The following TTC7B variants were observed in gnomAD, a reference collection of about 807,000 sequenced individuals.
TTC7B encodes tetratricopeptide repeat domain 7B, also known as tetratricopeptide repeat protein 7B.
Under a neutral mutation model 106.8 loss-of-function variants are expected in TTC7B, and 28 were observed. That is an observed-to-expected ratio of 0.26 (90% CI 0.19 to 0.36). TTC7B has a LOEUF of 0.36. Among genes scored for constraint, TTC7B ranks in the 10% least tolerant of loss-of-function variants. The probability of loss-of-function intolerance (pLI) is 1.00; values close to 1 mark genes in which losing one functional copy is unlikely to be tolerated. For synonymous variants in TTC7B, 405 were observed against 430.6 expected, an observed-to-expected ratio of 0.94 and a Z score of 0.74; for missense variants, 862 against 1,076.4, an observed-to-expected ratio of 0.80 and a Z score of 2.79.
At chr14:90,610,558 G>A (rs564051037) in intron 17 of TTC7B, among the ~76,000 whole-genome samples, 184 bp downstream of exon 17, 5 of 152,250 alleles carry the variant, frequency 3.3e-5, no homozygotes, top group South Asian at 2.1e-4. Flanking sequence ...TCATATGACC[G>A]TCCCCACTGT....
chr14:90,552,214 G>T (rs1042850144), intron 19 of TTC7B, among the ~76,000 whole-genome samples: 1 of 152,206 alleles, frequency 6.6e-6, no homozygotes, highest in Non-Finnish European at 1.5e-5. Flanking sequence ...CGTGGGGTGG[G>T]ACTCACACGC....
chr14:90,595,194 G>T (rs1380877400), intron 17 of TTC7B, among the ~76,000 whole-genome samples: 1 of 152,098 alleles, frequency 6.6e-6, no homozygotes, highest in Non-Finnish European at 1.5e-5. Flanking sequence ...TTAGCCAGGC[G>T]CGGTGGCAGG....
At chr14:90,584,985 G>A (rs1303154480) in intron 18 of TTC7B, among the ~76,000 whole-genome samples, 2 of 152,116 alleles carry the variant, frequency 1.3e-5, no homozygotes, top group African/African-American at 2.4e-5. Flanking sequence ...CAGCTCTGTC[G>A]GCTCTCACTG....
chr14:90,646,910 T>C, intron 14 of TTC7B, 41 bp downstream of exon 14: 2 of 1,544,046 alleles, frequency 1.3e-6, no homozygotes, highest in African/African-American at 1.4e-5. Context: ...TGTATCAAGA[T>C]ACAGAGTGCA....
chr14:90,730,705 G>A, intron 4 of TTC7B, among the ~76,000 whole-genome samples: 1 of 152,210 alleles, frequency 6.6e-6, no homozygotes, highest in Non-Finnish European at 1.5e-5. Flanking sequence ...GACTCACCAG[G>A]CTCCAGAGCT....
chr14:90,644,196 G>C lies in TTC7B; in HGVS notation c.1603C>G (p.Leu535Val). 6.3e-7 allele frequency: 1 copy of C among 1,592,914 alleles called. No homozygotes were observed. Among genetic ancestry groups the C allele is most frequent in the South Asian group, 1.1e-5 (1 of 88,174 alleles). The change falls in exon 15 of 20, where the codon CTG (leucine) becomes GTG (valine). Residue 535 changes from leucine (L) to valine (V), a missense_variant. By Grantham distance (32) the Leu-to-Val change is conservative. Transcript: ENST00000328459. ...LAISRQIPEA[L>V]GYVRQALQLQ... ...TGAAGAGCTTGGCGGACATACCCCA[G>C]AGCCTCTGGGATCTGGTTTAAAACA... is the stretch of plus-strand genomic sequence containing the variant.
chr14:90,775,801 G>A (rs1344273828), intron 3 of TTC7B, among the ~76,000 whole-genome samples: 2 of 152,050 alleles, frequency 1.3e-5, no homozygotes, highest in Non-Finnish European at 2.9e-5. Flanking sequence ...TGACCGTGCT[G>A]GCCCCATTTG....
intron 3 of TTC7B, among the ~76,000 whole-genome samples, chr14:90,773,298 A>G (rs1456808408): frequency 6.6e-6 from 1 of 152,240 alleles, no homozygotes; most frequent in Non-Finnish European, 1.5e-5. Context: ...TAAATCACTC[A>G]CAAATCACAG....
intron 3 of TTC7B, among the ~76,000 whole-genome samples, chr14:90,758,296 G>C (rs939478939): frequency 6.7e-6 from 1 of 149,626 alleles, no homozygotes; most frequent in Non-Finnish European, 1.5e-5. Flanking sequence ...CGGCACCTGC[G>C]CGAGATGCAG....
chr14:90,736,933 C>G lies in TTC7B; in HGVS notation c.577-6737G>C, dbSNP rs189257805. Among the ~76,000 whole-genome samples the G allele has an allele frequency of 2.3e-3, 322 of 141,140 alleles. 5 individuals carry two copies. Among genetic ancestry groups the G allele is most frequent in the African/African-American group, 8.2e-3 (313 of 38,004 alleles). The allele number at this position is 141,140 out of a possible 152,430, so 92.6% of individuals were successfully genotyped here. A position where few individuals can be genotyped will look rare whatever the true frequency, so the allele number is the denominator to read the frequency against. On this transcript the variant is annotated intron_variant, in intron 4 of 19. Coordinates refer to ENST00000328459, the MANE Select transcript of TTC7B (RefSeq NM_001010854.2). The stretch of plus-strand genomic sequence containing the variant: ...AAAAAAAAGTATATATACGTATATA[C>G]ACACATACATATATATGGAAAATGG...
chr14:90,765,048 G>A (rs1163116430), intron 3 of TTC7B, among the ~76,000 whole-genome samples: 1 of 152,148 alleles, frequency 6.6e-6, no homozygotes, highest in African/African-American at 2.4e-5. Context: ...TCAAATAATA[G>A]AAATAACCTG....
At position 90,735,061 on chromosome 14, in the gene TTC7B, G is replaced by C. The variant is rs145111583; in HGVS notation, c.577-4865C>G. Among the ~76,000 whole-genome samples the C allele has an allele frequency of 6.8e-3, 1,039 of 152,276 alleles. 5 individuals carry two copies. Among genetic ancestry groups the C allele is most frequent in the Admixed American group, 0.011 (163 of 15,294 alleles). On this transcript the variant is annotated intron_variant, in intron 4 of 19. Transcript: ENST00000328459. ...GGCCTCCCAAAGTGCTAGGATTACA[G>C]GTGTGAACCACTTAAGGGCAGGCTC...
intron 15 of TTC7B, among the ~76,000 whole-genome samples, chr14:90,637,607 C>T (rs186905044): frequency 8.0e-4 from 121 of 152,156 alleles, no homozygotes; most frequent in Middle Eastern, 3.4e-3. Flanking sequence ...TACACAAACG[C>T]GAAGTTCTCT....
chr14:90,732,891 G>A (rs1889378533), intron 4 of TTC7B, among the ~76,000 whole-genome samples: 1 of 151,858 alleles, frequency 6.6e-6, no homozygotes, highest in Non-Finnish European at 1.5e-5. Flanking sequence ...TCCTCCGAAG[G>A]GCCTTTTCTA....
At chr14:90,748,933 C>T (rs971162747) in intron 3 of TTC7B, among the ~76,000 whole-genome samples, 3 of 152,176 alleles carry the variant, frequency 2.0e-5, no homozygotes, top group African/African-American at 7.2e-5. Flanking sequence ...CTGCTGATTT[C>T]TTTCAGCTAC....
At chr14:90,580,894 G>C (rs1201208652) in intron 18 of TTC7B, among the ~76,000 whole-genome samples, 1 of 152,230 alleles carries the variant, frequency 6.6e-6, no homozygotes, top group African/African-American at 2.4e-5. Context: ...CTTCAGGCCT[G>C]GGGGCGGGGA....
chr14:90,647,111 C>G lies in TTC7B; in HGVS notation c.1518-88G>C, dbSNP rs1050044174. 5 of 1,130,346 alleles carry G rather than the reference C, an allele frequency of 4.4e-6. No homozygotes were observed. In the African/African-American group the frequency reaches 6.1e-5, roughly 14 times the overall value. The allele number at this position is 1,130,346 out of a possible 1,614,324, so 70.0% of individuals were successfully genotyped here. On this transcript the variant is annotated intron_variant, in intron 13 of 19. Transcript: ENST00000328459. ...AGCAAGTCTTCTCCACATTTGCATT[C>G]TTATACTAAGGGCCCGTATTTATTT...
At position 90,644,184 on chromosome 14, in the gene TTC7B, G is replaced by A. The variant is rs1024932647; in HGVS notation, c.1615C>T (p.Arg539Cys). Residue 539 changes from arginine to cysteine, a missense_variant, in exon 15 of 20, where the codon CGC becomes TGC. Coordinates refer to ENST00000328459, the MANE Select transcript of TTC7B (RefSeq NM_001010854.2). ...RQIPEALGYV[R>C]QALQLQGDDA... The stretch of plus-strand genomic sequence containing the variant: ...TCACCTTGAAGCTGAAGAGCTTGGC[G>A]GACATACCCCAGAGCCTCTGGGATC... 15 of 1,608,444 alleles carry A rather than the reference G, an allele frequency of 9.3e-6. No homozygotes were observed. In the East Asian group the frequency reaches 1.8e-4, roughly 19 times the overall value.
At chr14:90,664,361 C>T (rs1031796744) in intron 9 of TTC7B, among the ~76,000 whole-genome samples, 1 of 152,184 alleles carries the variant, frequency 6.6e-6, no homozygotes, top group African/African-American at 2.4e-5. Flanking sequence ...GCTCCGCCTC[C>T]TGGGATCAAG....
Sources: gnomAD v4.1 joint callset for allele counts (sites outside exome capture counted in the v4.1 genomes callset) on GRCh38, gnomAD v4.1.1 for gene constraint, MANE v1.5 for transcripts, NCBI Gene and HGNC (gene_info 2026-07-23, HGNC 2026-07-21) for gene names.